LGSN: variants seen among roughly 807,000 people sequenced by gnomAD.
LGSN encodes the protein lengsin, lens protein with glutamine synthetase domain, also known as lengsin.
In LGSN, 21 loss-of-function variants were observed where a neutral mutation model predicts 19.5. The observed-to-expected ratio is 1.07, with a 90% CI of 0.76 to 1.55. The LOEUF (loss-of-function observed/expected upper bound fraction) is 1.55. Ranked by LOEUF, LGSN falls within the 40% of genes most tolerant of loss-of-function variation. LGSN has a pLI of 0.00. For synonymous variants in LGSN, 257 were observed against 215.6 expected (o/e 1.19, Z -1.68); for missense variants, 673 against 608.5 (o/e 1.11, Z -1.12).
At chr6:63,387,723 AG>A in the LGSN span, among the ~76,000 whole-genome samples, 1 of 151,782 alleles carries the variant, frequency 6.6e-6, no homozygotes, top group Non-Finnish European at 1.5e-5. Context: ...TTTTTGAGCC[AG>A]GGTCCCACTG....
At chr6:63,547,742 A>C in the LGSN span, among the ~76,000 whole-genome samples, 1 of 131,252 alleles carries the variant, frequency 7.6e-6, no homozygotes. Context: ...CGATCTCCTG[A>C]CCTCATGATC....
the LGSN span, among the ~76,000 whole-genome samples, chr6:63,484,246 T>C: frequency 6.6e-6 from 1 of 152,324 alleles, no homozygotes; most frequent in South Asian, 2.1e-4. Context: ...CTCACGCCTG[T>C]AATCCCAGCA....
intron 1 of LGSN, among the ~76,000 whole-genome samples, chr6:63,319,026 A>G (rs1324845798): frequency 6.6e-6 from 1 of 152,156 alleles, no homozygotes; most frequent in Non-Finnish European, 1.5e-5. Flanking sequence ...CTCCTCAGGG[A>G]GTGCCTTCTT....
the LGSN span, among the ~76,000 whole-genome samples, chr6:63,439,962 A>G: frequency 6.6e-6 from 1 of 152,044 alleles, no homozygotes; most frequent in South Asian, 2.1e-4. Context: ...CATTGTGCTT[A>G]TTTTTCATTT....
chr6:63,505,208 AC>A, the LGSN span, among the ~76,000 whole-genome samples: 6 of 144,510 alleles, frequency 4.2e-5, no homozygotes, highest in Non-Finnish European at 7.5e-5. Flanking sequence ...CTCCTCATCC[AC>A]CCCCATTTTC....
At chr6:63,408,117 T>A in the LGSN span, among the ~76,000 whole-genome samples, 67 of 152,314 alleles carry the variant, frequency 4.4e-4, no homozygotes, top group Admixed American at 9.2e-4. Context: ...AGGTAATTTA[T>A]AGATTCAATG....
At chr6:63,454,825 TTGTC>T in the LGSN span, among the ~76,000 whole-genome samples, 2,291 of 130,258 alleles carry the variant, frequency 0.018, 25 homozygotes, top group Middle Eastern at 0.034. Flanking sequence ...GACGGAGTCT[TTGTC>T]TGTCACCCAG....
At chr6:63,444,607 T>G in the LGSN span, among the ~76,000 whole-genome samples, 1 of 152,190 alleles carries the variant, frequency 6.6e-6, no homozygotes, top group Non-Finnish European at 1.5e-5. Flanking sequence ...AGCCAGAAAC[T>G]AGAAGGCCAT....
the LGSN span, among the ~76,000 whole-genome samples, chr6:63,553,223 C>T: frequency 5.3e-5 from 8 of 152,240 alleles, no homozygotes; most frequent in African/African-American, 1.4e-4. Context: ...CTTAGTTTAA[C>T]GTAATCTGTT....
chr6:63,559,903 A>G, the LGSN span, among the ~76,000 whole-genome samples: 1 of 152,140 alleles, frequency 6.6e-6, no homozygotes, highest in African/African-American at 2.4e-5. Context: ...TTGGAATTAC[A>G]GGGGTGATCC....
At chr6:63,552,448 G>A in the LGSN span, among the ~76,000 whole-genome samples, 3 of 152,128 alleles carry the variant, frequency 2.0e-5, no homozygotes, top group Non-Finnish European at 4.4e-5. Flanking sequence ...TTTGTCAGAT[G>A]AGTAGGTTGC....
chr6:63,498,343 C>G, the LGSN span, among the ~76,000 whole-genome samples: 1 of 151,662 alleles, frequency 6.6e-6, no homozygotes, highest in African/African-American at 2.4e-5. Context: ...TCTTGTGAGG[C>G]AGATTTCAGT....
the LGSN span, among the ~76,000 whole-genome samples, chr6:63,354,526 T>C: frequency 6.6e-6 from 1 of 152,082 alleles, no homozygotes; most frequent in African/African-American, 2.4e-5. Flanking sequence ...AAAAGGTAAC[T>C]CTTGTACACT....
the LGSN span, among the ~76,000 whole-genome samples, chr6:63,408,406 C>T: frequency 6.8e-6 from 1 of 146,410 alleles, no homozygotes; most frequent in African/African-American, 2.6e-5. Flanking sequence ...CTTTGACAAA[C>T]CTGAGAAAAA....
chr6:63,455,447 T>C, the LGSN span, among the ~76,000 whole-genome samples: 1 of 152,172 alleles, frequency 6.6e-6, no homozygotes, highest in Non-Finnish European at 1.5e-5. Flanking sequence ...TCCCCTCTTC[T>C]TTTTTCATTT....
At chr6:63,364,129 T>C in the LGSN span, among the ~76,000 whole-genome samples, 9 of 151,974 alleles carry the variant, frequency 5.9e-5, no homozygotes, top group Non-Finnish European at 8.8e-5. Flanking sequence ...AAGACACAGA[T>C]TGGTAAATTG....
the LGSN span, among the ~76,000 whole-genome samples, chr6:63,335,754 G>A: frequency 2.0e-4 from 30 of 151,694 alleles, no homozygotes; most frequent in African/African-American, 7.3e-4. Context: ...GAACACAATG[G>A]AAGTTTCTTA....
the LGSN span, among the ~76,000 whole-genome samples, chr6:63,514,108 C>T: frequency 6.6e-6 from 1 of 151,996 alleles, no homozygotes; most frequent in Non-Finnish European, 1.5e-5. Flanking sequence ...TCATTTGGTC[C>T]CTGGTCCTGT....
At chr6:63,454,470 C>CTTTTTTTTT in the LGSN span, among the ~76,000 whole-genome samples, 4 of 118,652 alleles carry the variant, frequency 3.4e-5, no homozygotes, top group Admixed American at 9.7e-5. Flanking sequence ...TTTACATTTT[C>CTTTTTTTTT]TTTTTTTTTT....
Sources: allele counts gnomAD v4.1 joint callset (sites outside exome capture counted in the v4.1 genomes callset), GRCh38; gene constraint gnomAD v4.1.1; transcripts MANE v1.5; gene names NCBI Gene and HGNC (gene_info 2026-07-23, HGNC 2026-07-21).